The following TP53I11 variants were observed in gnomAD, a reference collection of about 807,000 sequenced individuals.
TP53I11 encodes the protein tumor protein p53 inducible protein 11.
TP53I11 carries 9 observed loss-of-function variants against 23.3 expected under a neutral mutation model. That is an observed-to-expected ratio of 0.39 (90% confidence interval 0.23 to 0.67). The LOEUF (loss-of-function observed/expected upper bound fraction) is 0.67. TP53I11 is among the 30% of genes least tolerant of loss of function. The probability of loss-of-function intolerance (pLI) is 0.48; values close to 1 mark genes in which losing one functional copy is unlikely to be tolerated. For missense variants in TP53I11, 170 were observed against 255.2 expected, an observed-to-expected ratio of 0.67 and a Z score of 2.27; for synonymous variants, 100 against 106.1, an observed-to-expected ratio of 0.94 and a Z score of 0.35.
chr11:44,935,907 G>GA (rs942746543), intron 5 of TP53I11: 198 of 575,466 alleles, frequency 3.4e-4, no homozygotes, highest in Middle Eastern at 1.8e-3. Flanking sequence ...GACACTGGGC[G>GA]AGTCACTTCC....
intron 2 of TP53I11, 32 bp from the exon 3 acceptor site, chr11:44,937,645 G>A (rs942210696): frequency 1.9e-6 from 3 of 1,610,086 alleles, no homozygotes; most frequent in African/African-American, 2.7e-5. Context: ...GGCAACCAGG[G>A]TGAGGGCAGC....
upstream of TP53I11, chr11:44,950,973 G>T (rs1862912773): frequency 6.6e-6 from 1 of 151,862 alleles, no homozygotes; most frequent in Non-Finnish European, 1.5e-5. Context: ...TCGCCCCCAG[G>T]GTGGCCGCCG....
At chr11:44,937,452 C>A in intron 3 of TP53I11, 100 bp from the exon 4 acceptor site, 2 of 1,520,702 alleles carry the variant, frequency 1.3e-6, no homozygotes, top group Non-Finnish European at 1.8e-6. Flanking sequence ...GGTAATGAGA[C>A]AAAATAAAAT....
intron 1 of TP53I11, among the ~76,000 whole-genome samples, chr11:44,945,328 A>G (rs1862282404): frequency 6.6e-6 from 1 of 152,166 alleles, no homozygotes; most frequent in South Asian, 2.1e-4. Context: ...GAGAATGGCC[A>G]TATTATCACC....
At chr11:44,945,261 G>A (rs1862274062) in intron 1 of TP53I11, among the ~76,000 whole-genome samples, 1 of 152,178 alleles carries the variant, frequency 6.6e-6, no homozygotes, top group South Asian at 2.1e-4. Context: ...GGGCTGGGAG[G>A]AGCGGGGCAA....
Position 44,938,248 on chromosome 11 carries a change from C to G in TP53I11, c.88G>C (p.Val30Leu). ...TCCCCGTCGTCATCCTCCCCGCCCA[C>G]GCCGAGGATCTTGCGGGTCTTCAGG... ...SRLKTRKILG[V>L]GGEDDDGEVH... is the part of the protein sequence containing the mutation. The change falls in exon 2 of 7, where the codon GTG becomes CTG. Residue 30 changes from valine (V) to leucine (L), a missense_variant. Transcript: ENST00000525680. 1 of 1,613,224 alleles carries G rather than the reference C, an allele frequency of 6.2e-7. No homozygotes were observed. Among genetic ancestry groups the G allele is most frequent in the Non-Finnish European group, 8.5e-7 (1 of 1,179,734 alleles).
rs1386101375 is a variant in TP53I11 at position 44,936,853 on chromosome 11, G to T, written c.284C>A (p.Ala95Asp). 1.2e-6 allele frequency: 2 copies of T among 1,609,798 alleles called. No individual in the cohort carries two copies. The highest frequency in any genetic ancestry group is 1.1e-5 in the South Asian group (1 of 89,820). ...DQLYDAVFDG[A>D]QVTSKTPIRL... ...GATGGGGGTCTTGCTGGTCACCTGGGCTCCATCAAAGACCGCATCATAGAG... is the reference window on the plus strand; with the variant it reads ...GATGGGGGTCTTGCTGGTCACCTGGTCTCCATCAAAGACCGCATCATAGAG... The change falls in exon 5 of 7, where the codon GCC (alanine) becomes GAC (aspartate). Residue 95 changes from alanine (A) to aspartate (D), a missense_variant. Ala to Asp is a moderately radical substitution (Grantham distance 126). Transcript: ENST00000525680. This position sits in a 1 kb window ranked among gnomAD's most constrained non-coding sequence, Gnocchi z 4.4.
At chr11:44,938,866 A>T (rs1041729363) in intron 1 of TP53I11, among the ~76,000 whole-genome samples, 2 of 151,694 alleles carry the variant, frequency 1.3e-5, no homozygotes. Flanking sequence ...TCTCCCTGCC[A>T]CCCCCCTTCA....
intron 1 of TP53I11, among the ~76,000 whole-genome samples, chr11:44,942,344 C>T (rs1012139777): frequency 2.0e-5 from 3 of 149,726 alleles, no homozygotes; most frequent in African/African-American, 7.4e-5. Context: ...ACCACACACA[C>T]ACACCCCCAC....
At chr11:44,943,924 A>G (rs543372811) in intron 1 of TP53I11, among the ~76,000 whole-genome samples, 1 of 152,316 alleles carries the variant, frequency 6.6e-6, no homozygotes, top group South Asian at 2.1e-4. Context: ...CCCACAGGTT[A>G]GACGTGGCGG....
intron 1 of TP53I11, chr11:44,949,956 C>T (rs1426518455): frequency 6.6e-6 from 1 of 152,340 alleles, no homozygotes; most frequent in African/African-American, 2.4e-5. Context: ...CCTGATGTCC[C>T]CGCTCCAGAC....
At chr11:44,935,081 C>T (rs553072163) in intron 6 of TP53I11, 64 bp from the exon 7 acceptor site, 1 of 1,600,956 alleles carries the variant, frequency 6.2e-7, no homozygotes, top group East Asian at 2.2e-5. Context: ...GCGCTGCCCC[C>T]CTAGCCCGGA....
Position 44,938,198 on chromosome 11 carries a change from GCA to G in TP53I11, c.129+7_129+8del. ...AGTGGGTGCCGGAGGCCCCTGCTCT[GCA>G]CCCCACCTTGGAGCGATGCACCTCC... is the stretch of plus-strand genomic sequence containing the variant. On this transcript the variant is annotated splice_region_variant and intron_variant, in intron 2 of 6. Coordinates refer to ENST00000525680, the MANE Select transcript of TP53I11 (RefSeq NM_006034.5). 1 of 1,610,622 alleles carries G rather than the reference GCA, an allele frequency of 6.2e-7. No homozygotes were observed. Among genetic ancestry groups the G allele is most frequent in the South Asian group, 1.1e-5 (1 of 90,548 alleles).
intron 1 of TP53I11, among the ~76,000 whole-genome samples, chr11:44,944,517 A>T (rs567896110): frequency 5.8e-4 from 88 of 152,318 alleles, no homozygotes; most frequent in Non-Finnish European, 1.1e-3. Flanking sequence ...GAACAAGCAA[A>T]GTCCCCAAGA....
At position 44,936,644 on chromosome 11, in the gene TP53I11, T is replaced by A; in HGVS notation, c.334+159A>T. ...CCAATGGCCACAAGATGGCAGCACA[T>A]CCCCAGCAGAGAGCTTCATCAGAGG... On this transcript the variant is annotated intron_variant, in intron 5 of 6. Coordinates refer to ENST00000525680, the MANE Select transcript of TP53I11 (RefSeq NM_006034.5). The surrounding 1 kb of genome is among the most constrained non-coding windows in gnomAD (Gnocchi z 4.4). 2.2e-6 allele frequency: 3 copies of A among 1,345,242 alleles called. No homozygotes were observed. The highest frequency in any genetic ancestry group is 2.9e-6 in the Non-Finnish European group (3 of 1,047,792). The allele number at this position is 1,345,242 out of a possible 1,614,324, so 83.3% of individuals were successfully genotyped here.
intron 5 of TP53I11, 51 bp from the exon 6 acceptor site, chr11:44,935,713 C>T: frequency 7.4e-7 from 1 of 1,351,698 alleles, no homozygotes; most frequent in Non-Finnish European, 1.0e-6. Context: ...TGACTCCCTC[C>T]CAGCAGGGCA....
intron 1 of TP53I11, among the ~76,000 whole-genome samples, chr11:44,942,559 G>A (rs1861998405): frequency 6.6e-6 from 1 of 152,194 alleles, no homozygotes; most frequent in Admixed American, 6.5e-5. Context: ...CCACCTGCTG[G>A]GGCTGGGAAG....
chr11:44,938,807 C>A (rs1311816336), intron 1 of TP53I11, among the ~76,000 whole-genome samples: 2 of 152,098 alleles, frequency 1.3e-5, no homozygotes, highest in South Asian at 4.1e-4. Flanking sequence ...GGGTTTGGGC[C>A]CCCACCAAAC....
At chr11:44,946,379 C>T (rs1371731440) in intron 1 of TP53I11, among the ~76,000 whole-genome samples, 1 of 152,186 alleles carries the variant, frequency 6.6e-6, no homozygotes, top group Admixed American at 6.5e-5. Context: ...CTTAGTCAGT[C>T]TTGTCTCTCA....
Sources: allele counts gnomAD v4.1 joint callset (sites outside exome capture counted in the v4.1 genomes callset), GRCh38; gene constraint gnomAD v4.1.1; non-coding constraint Gnocchi (gnomAD v3.1); transcripts MANE v1.5; gene names NCBI Gene and HGNC (gene_info 2026-07-23, HGNC 2026-07-21).